C12orf56: variants seen among roughly 807,000 people sequenced by gnomAD.
The protein encoded by C12orf56 is chromosome 12 open reading frame 56, also known as uncharacterized protein C12orf56.
Under a neutral mutation model 69.9 loss-of-function variants are expected in C12orf56, and 71 were observed. The ratio of observed to expected loss-of-function variants is 1.02; its 90% CI spans 0.84 to 1.24. The LOEUF is 1.24. Among genes scored for constraint, C12orf56 ranks in the 50% most tolerant of loss-of-function variants. The pLI is 0.00. For missense variants in C12orf56, 732 were observed against 738.5 expected (o/e 0.99, Z 0.10); for synonymous variants, 276 against 274.1 (o/e 1.01, Z -0.07).
intron 12 of C12orf56, 143 bp downstream of exon 12, chr12:64,270,393 T>TC (rs2037968070): frequency 1.3e-6 from 1 of 748,964 alleles, no homozygotes; most frequent in Non-Finnish European, 2.0e-6. Flanking sequence ...AGAGCAAGAC[T>TC]CCATCTCAAA....
In C12orf56 at chr12:64,270,988, G is replaced by A. The variant is rs902811136; in HGVS notation, c.1585-274C>T. Among the ~76,000 whole-genome samples the A allele has an allele frequency of 7.9e-5, 12 of 151,976 alleles. No individual in the cohort carries two copies. In the South Asian group the frequency reaches 2.1e-3, roughly 26 times the overall value. On this transcript the variant is annotated intron_variant, in intron 11 of 12. Coordinates refer to ENST00000543942, the MANE Select transcript of C12orf56 (RefSeq NM_001170633.2). Reference sequence around the variant, plus strand: ...CGAGATCAGCCTGACCAACATGGTGGAACCCCGTCTCTACTAAAAATACAA... The same window carrying A: ...CGAGATCAGCCTGACCAACATGGTGAAACCCCGTCTCTACTAAAAATACAA...
chr12:64,269,427 C>T (rs918220062), intron 12 of C12orf56, among the ~76,000 whole-genome samples: 2 of 152,142 alleles, frequency 1.3e-5, no homozygotes, highest in African/African-American at 4.8e-5. Flanking sequence ...ATGCTGGCTA[C>T]TGTTCTTTCT....
intron 4 of C12orf56, among the ~76,000 whole-genome samples, chr12:64,317,498 C>T (rs1352892995): frequency 6.6e-6 from 1 of 152,080 alleles, no homozygotes; most frequent in Non-Finnish European, 1.5e-5. Flanking sequence ...TGGTGGCTCA[C>T]GCCTGTAATC....
chr12:64,344,944 CCT>C (rs2039120980), intron 2 of C12orf56, among the ~76,000 whole-genome samples: 1 of 152,062 alleles, frequency 6.6e-6, no homozygotes, highest in African/African-American at 2.4e-5. Context: ...TTTTTAACTC[CCT>C]GAGCTGCAAC....
At chr12:64,278,676 G>A (rs2038087023) in intron 8 of C12orf56, among the ~76,000 whole-genome samples, 1 of 152,096 alleles carries the variant, frequency 6.6e-6, no homozygotes, top group East Asian at 1.9e-4. Flanking sequence ...CACCATATTT[G>A]TATGATTGAT....
Position 64,303,567 on chromosome 12 carries a change from A to T in C12orf56, c.1113+68T>A. The T allele has an allele frequency of 3.3e-6, 4 of 1,227,808 alleles. No individual in the cohort carries two copies. In the South Asian group the frequency reaches 4.6e-5, roughly 14 times the overall value. 76.1% of individuals were successfully genotyped at this position (1,227,808 alleles called of 1,614,324 possible). On this transcript the variant is annotated intron_variant, in intron 6 of 12. Transcript: ENST00000543942. ...CAAGACAACTCTTATTTATATTTTAATGTATGTTTGTATTTGGTAAACAGG... is the reference window on the plus strand; with the variant it reads ...CAAGACAACTCTTATTTATATTTTATTGTATGTTTGTATTTGGTAAACAGG...
At chr12:64,360,888 A>G (rs866914093) in intron 1 of C12orf56, among the ~76,000 whole-genome samples, 22 of 152,214 alleles carry the variant, frequency 1.4e-4, no homozygotes, top group African/African-American at 4.6e-4. Flanking sequence ...CACCATTTAT[A>G]TACATTTGAT....
intron 2 of C12orf56, among the ~76,000 whole-genome samples, chr12:64,346,077 T>C (rs2039137214): frequency 6.6e-6 from 1 of 152,134 alleles, no homozygotes; most frequent in Non-Finnish European, 1.5e-5. Flanking sequence ...TACCAAAATT[T>C]GTATTAGTCA....
chr12:64,360,737 T>C (rs2039388796), intron 1 of C12orf56, among the ~76,000 whole-genome samples: 1 of 152,232 alleles, frequency 6.6e-6, no homozygotes, highest in African/African-American at 2.4e-5. Flanking sequence ...AAAGAACTGC[T>C]TTTATCCAGA....
chr12:64,344,821 G>A (rs1257946722), intron 2 of C12orf56, among the ~76,000 whole-genome samples: 1 of 151,914 alleles, frequency 6.6e-6, no homozygotes, highest in Non-Finnish European at 1.5e-5. Flanking sequence ...CTAAGCCTTT[G>A]GATGCCTTCC....
At chr12:64,333,816 A>G (rs1565761154) in intron 2 of C12orf56, among the ~76,000 whole-genome samples, 2 of 152,100 alleles carry the variant, frequency 1.3e-5, no homozygotes, top group African/African-American at 4.8e-5. Context: ...TTAGCTTTAA[A>G]TTTCACTTTG....
rs141565990 is a variant in C12orf56, at chr12:64,362,160, G to A, written c.253-9104C>T. Among the ~76,000 whole-genome samples the A allele has an allele frequency of 6.0e-4, 92 of 152,244 alleles. No homozygotes were observed. The East Asian group carries it at 0.017, about 28-fold the overall frequency. On this transcript the variant is annotated intron_variant, in intron 1 of 12. Transcript: ENST00000543942. ...CCCTTTCCAGTAACAGCAACTAGCT[G>A]TCTTTTCTCCTTAGAAACTGGGGCT...
chr12:64,305,153 C>A (rs1284438644), intron 5 of C12orf56, among the ~76,000 whole-genome samples: 2 of 152,062 alleles, frequency 1.3e-5, no homozygotes, highest in East Asian at 3.9e-4. Flanking sequence ...GGTCTCTTTT[C>A]TAGCGGAGAT....
chr12:64,367,736 C>G (rs898816490), intron 1 of C12orf56, among the ~76,000 whole-genome samples: 7 of 146,776 alleles, frequency 4.8e-5, no homozygotes, highest in African/African-American at 1.2e-4. Flanking sequence ...ACTCTTGACC[C>G]CAAGCGATCC....
At chr12:64,286,806 T>C (rs2038208095) in intron 6 of C12orf56, among the ~76,000 whole-genome samples, 1 of 152,168 alleles carries the variant, frequency 6.6e-6, no homozygotes, top group South Asian at 2.1e-4. Context: ...GTTTAGAAAG[T>C]GTATGCGTCC....
At position 64,265,294 on chromosome 12, in the gene C12orf56, A is replaced by G. The variant is rs1316071477; in HGVS notation, c.*1889T>C. 6.6e-6 allele frequency: 1 copy of G among 152,266 alleles called. No homozygotes were observed. Among genetic ancestry groups the G allele is most frequent in the Non-Finnish European group, 1.5e-5 (1 of 68,068 alleles). 9.4% of individuals were successfully genotyped at this position (152,266 alleles called of 1,614,324 possible). On this transcript the variant is annotated 3_prime_UTR_variant, in exon 13 of 13. Transcript: ENST00000543942. ...TCTCTCTGCCCCCAAAATTGAGGGT[A>G]GAAAATGTGGACTCCTCATTGGGTA...
chr12:64,350,093 G>GAAA (rs200890156), intron 2 of C12orf56, among the ~76,000 whole-genome samples: 78 of 119,538 alleles, frequency 6.5e-4, no homozygotes, highest in African/African-American at 2.3e-3. Flanking sequence ...CTCAGTCTCA[G>GAAA]AAAAAAAAAA....
At chr12:64,282,089 T>G (rs1394992098) in intron 8 of C12orf56, among the ~76,000 whole-genome samples, 2 of 152,094 alleles carry the variant, frequency 1.3e-5, no homozygotes, top group African/African-American at 4.8e-5. Context: ...GGCGCAGTGG[T>G]TCATGCCAGT....
intron 6 of C12orf56, among the ~76,000 whole-genome samples, chr12:64,299,453 A>G (rs1173580442): frequency 6.6e-6 from 1 of 152,202 alleles, no homozygotes; most frequent in African/African-American, 2.4e-5. Context: ...TATTATATTA[A>G]ATAATGGCTG....
Sources: gnomAD v4.1 joint callset for allele counts (sites outside exome capture counted in the v4.1 genomes callset) on GRCh38, gnomAD v4.1.1 for gene constraint, MANE v1.5 for transcripts, NCBI Gene and HGNC (gene_info 2026-07-23, HGNC 2026-07-21) for gene names.